The following SHISA6 variants were observed in gnomAD, a reference collection of about 807,000 sequenced individuals.
SHISA6 encodes the protein protein shisa-6.
A neutral mutation model predicts 47.9 loss-of-function variants in SHISA6; 22 were observed. The ratio of observed to expected loss-of-function variants is 0.46; its 90% confidence interval spans 0.33 to 0.66. The LOEUF (loss-of-function observed/expected upper bound fraction) is 0.66. SHISA6 is among the 30% of genes least tolerant of loss of function. The pLI is 0.02. For missense variants in SHISA6, 680 were observed against 764.6 expected (o/e 0.89, Z 1.30); for synonymous variants, 388 against 337.8 (o/e 1.15, Z -1.63).
intron 3 of SHISA6, among the ~76,000 whole-genome samples, chr17:11,481,735 C>G (rs1916229540): frequency 6.6e-6 from 1 of 151,934 alleles, no homozygotes; most frequent in African/African-American, 2.4e-5. Context: ...TCATGATCCA[C>G]CCACCTCAGC....
chr17:11,409,410 T>C (rs550420050), intron 3 of SHISA6, among the ~76,000 whole-genome samples: 121 of 152,292 alleles, frequency 7.9e-4, no homozygotes, highest in African/African-American at 2.6e-3. Context: ...TCCAGTGTTG[T>C]CTGTATTAGA....
intron 3 of SHISA6, among the ~76,000 whole-genome samples, chr17:11,427,388 C>T (rs906241953): frequency 1.3e-5 from 2 of 152,192 alleles, no homozygotes; most frequent in African/African-American, 2.4e-5. Flanking sequence ...CCATCTTGGC[C>T]TCCCAAAGTG....
At chr17:11,388,694 G>A (rs1913271705) in intron 3 of SHISA6, among the ~76,000 whole-genome samples, 1 of 149,994 alleles carries the variant, frequency 6.7e-6, no homozygotes, top group East Asian at 2.0e-4. Flanking sequence ...TCACACCATA[G>A]CTACTTGGTA....
chr17:11,247,775 C>CTTTT (rs1248779153), intron 1 of SHISA6, among the ~76,000 whole-genome samples: 1 of 134,576 alleles, frequency 7.4e-6, no homozygotes, highest in African/African-American at 2.8e-5. Context: ...TGGCGTCTTT[C>CTTTT]TTTTTTTTTT....
intron 2 of SHISA6, among the ~76,000 whole-genome samples, chr17:11,319,199 C>T (rs980983870): frequency 2.6e-5 from 4 of 152,044 alleles, no homozygotes; most frequent in Non-Finnish European, 5.9e-5. Context: ...CTGCCTCAGC[C>T]TCCCAAGTAG....
rs541808801 is a variant in SHISA6 at position 11,253,615 on chromosome 17, A to G, written c.639-9751A>G. On this transcript the variant is annotated intron_variant, in intron 1 of 5. Coordinates refer to ENST00000441885, the MANE Select transcript of SHISA6 (RefSeq NM_207386.4). ...TGGAATTTTTATGTCTGTTTCGTTG[A>G]TAGGGATTAGCCTGCCCTTATTTCT... Among the ~76,000 whole-genome samples, 104 of 152,238 alleles carry G rather than the reference A, an allele frequency of 6.8e-4. No homozygotes were observed. In the Middle Eastern group the frequency reaches 0.01, roughly 15 times the overall value.
At chr17:11,359,416 T>C (rs1912189106) in intron 2 of SHISA6, among the ~76,000 whole-genome samples, 1 of 152,234 alleles carries the variant, frequency 6.6e-6, no homozygotes, top group South Asian at 2.1e-4. Flanking sequence ...ATCTCATGGC[T>C]GCAGAGTCAG....
chr17:11,361,880 A>T (rs946771015), intron 2 of SHISA6, among the ~76,000 whole-genome samples: 1 of 152,112 alleles, frequency 6.6e-6, no homozygotes, highest in African/African-American at 2.4e-5. Flanking sequence ...GCGGAATTCT[A>T]TCGGTACCAT....
chr17:11,511,641 A>G (rs1176316918), intron 3 of SHISA6, among the ~76,000 whole-genome samples: 2 of 152,110 alleles, frequency 1.3e-5, no homozygotes, highest in Non-Finnish European at 2.9e-5. Flanking sequence ...AATGTTATCT[A>G]CATTTTCAAA....
At chr17:11,418,692 G>A (rs528811092) in intron 3 of SHISA6, among the ~76,000 whole-genome samples, 1 of 152,138 alleles carries the variant, frequency 6.6e-6, no homozygotes, top group Non-Finnish European at 1.5e-5. Flanking sequence ...GCATATTCCT[G>A]GATAAGACTG....
intron 2 of SHISA6, among the ~76,000 whole-genome samples, chr17:11,378,346 T>TGCGC (rs113505593): frequency 4.9e-4 from 75 of 152,254 alleles, no homozygotes; most frequent in African/African-American, 1.5e-3. Context: ...TGTGTGTGTG[T>TGCGC]GCGCGCACAT....
At chr17:11,369,218 G>A (rs1284975887) in intron 2 of SHISA6, among the ~76,000 whole-genome samples, 1 of 152,160 alleles carries the variant, frequency 6.6e-6, no homozygotes, top group Non-Finnish European at 1.5e-5. Flanking sequence ...GAAAGACAGG[G>A]AATTTAGAGT....
chr17:11,471,587 T>C (rs1915936484), intron 3 of SHISA6, among the ~76,000 whole-genome samples: 1 of 152,218 alleles, frequency 6.6e-6, no homozygotes, highest in Admixed American at 6.5e-5. Context: ...TTTGCTGACC[T>C]CTCAATTTGA....
chr17:11,329,865 G>GT (rs1443497080), intron 2 of SHISA6, among the ~76,000 whole-genome samples: 1 of 152,002 alleles, frequency 6.6e-6, no homozygotes, highest in Non-Finnish European at 1.5e-5. Flanking sequence ...AAGCGCACCT[G>GT]GATCAAGGTG....
At chr17:11,504,593 A>C (rs1446954828) in intron 3 of SHISA6, among the ~76,000 whole-genome samples, 1 of 152,200 alleles carries the variant, frequency 6.6e-6, no homozygotes, top group Non-Finnish European at 1.5e-5. Flanking sequence ...CGGCCCAGGC[A>C]GAAAAGAAGT....
intron 3 of SHISA6, among the ~76,000 whole-genome samples, chr17:11,479,985 G>A (rs888250467): frequency 5.3e-5 from 8 of 151,950 alleles, no homozygotes; most frequent in Non-Finnish European, 1.5e-5. Flanking sequence ...TACTGGCAAC[G>A]AATTCCCTCA....
At chr17:11,388,836 ATATATTT>A (rs1913292376) in intron 3 of SHISA6, among the ~76,000 whole-genome samples, 1 of 117,384 alleles carries the variant, frequency 8.5e-6, no homozygotes, top group Non-Finnish European at 1.7e-5. Context: ...ATATATATAT[ATATATTT>A]TAAAAAAGGT....
At chr17:11,423,096 A>G (rs938789095) in intron 3 of SHISA6, among the ~76,000 whole-genome samples, 10 of 152,024 alleles carry the variant, frequency 6.6e-5, no homozygotes, top group Middle Eastern at 6.8e-3. Context: ...AATAACCTAC[A>G]GGATTAGATT....
chr17:11,533,174 C>T (rs147373638), intron 3 of SHISA6, among the ~76,000 whole-genome samples: 146 of 152,292 alleles, frequency 9.6e-4, no homozygotes, highest in African/African-American at 3.4e-3. Context: ...GCCCTTTGCT[C>T]ATTAGCCACA....
Sources: gnomAD v4.1 joint callset for allele counts (sites outside exome capture counted in the v4.1 genomes callset) on GRCh38, gnomAD v4.1.1 for gene constraint, MANE v1.5 for transcripts, NCBI Gene and HGNC (gene_info 2026-07-23, HGNC 2026-07-21) for gene names.